Variants in TAF15 observed in about 807,000 individuals in gnomAD.
TAF15 encodes TATA-binding protein-associated factor 2N.
In TAF15, 37 loss-of-function variants were observed where a neutral mutation model predicts 102.5. The ratio of observed to expected loss-of-function variants is 0.36; its 90% CI spans 0.28 to 0.47. The LOEUF is 0.47. TAF15 is among the 20% of genes least tolerant of loss of function. The pLI is 0.99. For missense variants in TAF15, 652 were observed against 760.7 expected, an observed-to-expected ratio of 0.86 and a Z score of 1.68; for synonymous variants, 273 against 259.2, an observed-to-expected ratio of 1.05 and a Z score of -0.51.
At chr17:35,834,079 TTATATA>T (rs144140449) in intron 8 of TAF15, 138 bp downstream of exon 8, 6 of 563,560 alleles carry the variant, frequency 1.1e-5, no homozygotes, top group Non-Finnish European at 1.8e-5. Flanking sequence ...AAAAAAAATT[TTATATA>T]TATATATATA....
intron 2 of TAF15, among the ~76,000 whole-genome samples, chr17:35,819,151 T>C (rs966002861): frequency 6.6e-6 from 1 of 152,236 alleles, no homozygotes; most frequent in African/African-American, 2.4e-5. Flanking sequence ...GATTTGACTT[T>C]TTTGATCTTG....
chr17:35,811,890 G>T lies in TAF15; in HGVS notation c.7+2314G>T, dbSNP rs367812367. ...ATTAACTTGAAAATCTATCTACAAA[G>T]ATTTAAAAAAATGGAAAAACTAAGA... On this transcript the variant is annotated intron_variant, in intron 1 of 15. Coordinates refer to ENST00000605844, the MANE Select transcript of TAF15 (RefSeq NM_139215.3). Among the ~76,000 whole-genome samples, 10 of 152,248 alleles carry T rather than the reference G, an allele frequency of 6.6e-5. No homozygotes were observed. The East Asian group carries it at 9.6e-4, about 15-fold the overall frequency.
chr17:35,820,392 C>T lies in TAF15; in HGVS notation c.245C>T (p.Pro82Leu). ...NQKQSSYSQQ[P>L]YNNQGQQQNM... is the part of the protein sequence containing the mutation. ...AAGCAGAGCTCATATAGCCAGCAACCATATAATAACCAGGGACAGCAGCAA... is the reference window on the plus strand; with the variant it reads ...AAGCAGAGCTCATATAGCCAGCAACTATATAATAACCAGGGACAGCAGCAA... Residue 82 changes from proline (P) to leucine (L), a missense_variant, in exon 5 of 16, where the codon CCA becomes CTA. Physicochemically the swap from Pro to Leu is moderately conservative, Grantham distance 98. Coordinates refer to ENST00000605844, the MANE Select transcript of TAF15 (RefSeq NM_139215.3). The T allele has an allele frequency of 1.2e-6, 2 of 1,613,950 alleles. No homozygotes were observed. Among genetic ancestry groups the T allele is most frequent in the South Asian group, 2.2e-5 (2 of 91,074 alleles).
At chr17:35,830,155 AAAG>A (rs1323016547) in intron 7 of TAF15, 1 of 152,036 alleles carries the variant, frequency 6.6e-6, no homozygotes, top group Non-Finnish European at 1.5e-5. Flanking sequence ...AAAAAAAAAA[AAAG>A]TATGCAACTA....
intron 8 of TAF15, 33 bp downstream of exon 8, chr17:35,833,974 G>GA (rs763322941): frequency 6.2e-7 from 1 of 1,612,326 alleles, no homozygotes; most frequent in East Asian, 2.2e-5. Context: ...TGTTTCAGTG[G>GA]AAATGCTATA....
rs755148981 is a variant in TAF15 at position 35,847,022 on chromosome 17, G to A, written c.*77G>A. On this transcript the variant is annotated 3_prime_UTR_variant, in exon 16 of 16. Transcript: ENST00000605844. ...CAGAGTTTTGCCTGCTGCTTTCCTC[G>A]TGGCCTCTTCTTGGGTAGTGAAATT... 1.3e-5 allele frequency: 19 copies of A among 1,497,060 alleles called. No homozygotes were observed. The highest frequency in any genetic ancestry group is 2.3e-5 in the East Asian group (1 of 44,312). The allele number at this position is 1,497,060 out of a possible 1,614,324, so 92.7% of individuals were successfully genotyped here.
intron 6 of TAF15, 131 bp downstream of exon 6, chr17:35,822,964 T>A: frequency 9.0e-7 from 1 of 1,105,152 alleles, no homozygotes. Context: ...ATATGTTCCC[T>A]CTCATGGTAA....
intron 9 of TAF15, 104 bp from the exon 10 acceptor site, chr17:35,836,026 CAT>C: frequency 1.3e-6 from 1 of 782,042 alleles, no homozygotes; most frequent in Non-Finnish European, 2.2e-6. Flanking sequence ...TCCTTTTGGT[CAT>C]AGAAACAATT....
At chr17:35,810,021 C>T (rs2087106636) in intron 1 of TAF15, 1 of 301,038 alleles carries the variant, frequency 3.3e-6, no homozygotes, top group Non-Finnish European at 6.4e-6. Context: ...GTTTTCCCAT[C>T]CTCGAAGTGG....
chr17:35,837,148 G>A (rs564536816), intron 10 of TAF15, among the ~76,000 whole-genome samples: 1 of 151,940 alleles, frequency 6.6e-6, no homozygotes, highest in South Asian at 2.1e-4. Context: ...ATGTAATTTT[G>A]TTGTTGTCGT....
chr17:35,827,476 G>C (rs996640129), intron 7 of TAF15, among the ~76,000 whole-genome samples: 1 of 152,124 alleles, frequency 6.6e-6, no homozygotes, highest in Non-Finnish European at 1.5e-5. Context: ...AGGGCACAGC[G>C]GGTGGATCAC....
Position 35,834,893 on chromosome 17 carries a change from G to A in TAF15, c.673+295G>A, listed in dbSNP as rs534461641. On this transcript the variant is annotated intron_variant, in intron 9 of 15. Transcript: ENST00000605844. ...CCCAAGTAGGTGGGACTACAGGTGCGCGCCACCATGCCCTGCTAATTTTTG... is the reference window on the plus strand; with the variant it reads ...CCCAAGTAGGTGGGACTACAGGTGCACGCCACCATGCCCTGCTAATTTTTG... Among the ~76,000 whole-genome samples the A allele has an allele frequency of 1.8e-4, 27 of 151,876 alleles. No individual in the cohort carries two copies. The South Asian group carries it at 5.0e-3, about 28-fold the overall frequency.
At chr17:35,819,896 G>T in intron 2 of TAF15, 128 bp from the exon 3 acceptor site, 1 of 813,038 alleles carries the variant, frequency 1.2e-6, no homozygotes, top group Non-Finnish European at 2.1e-6. Flanking sequence ...TCTAGAGACA[G>T]GGAGATTGAT....
At chr17:35,834,076 A>T (rs555404761) in intron 8 of TAF15, 135 bp downstream of exon 8, 16 of 602,822 alleles carry the variant, frequency 2.7e-5, no homozygotes, top group Middle Eastern at 4.9e-4. Context: ...TTTAAAAAAA[A>T]TTTTATATAT....
At chr17:35,824,344 T>C (rs973225457) in intron 7 of TAF15, 146 bp downstream of exon 7, 64 of 1,104,234 alleles carry the variant, frequency 5.8e-5, no homozygotes, top group Non-Finnish European at 7.9e-5. Context: ...AAGGCAGAAA[T>C]TAAAAGTGTA....
intron 2 of TAF15, 33 bp from the exon 3 acceptor site, chr17:35,819,991 A>G (rs2087240073): frequency 6.2e-7 from 1 of 1,603,420 alleles, no homozygotes. Flanking sequence ...ATTTCTACAC[A>G]TTTCTTTCAA....
intron 11 of TAF15, among the ~76,000 whole-genome samples, chr17:35,839,355 C>T: frequency 7.7e-6 from 1 of 129,138 alleles, no homozygotes; most frequent in Admixed American, 8.3e-5. Context: ...TTAATACATA[C>T]TTAGAAGAAA....
In TAF15 at chr17:35,820,374, G is replaced by T. The variant is rs929675313; in HGVS notation, c.227G>T (p.Ser76Ile). Residue 76 changes from serine to isoleucine, a missense_variant, in exon 5 of 16, where the codon AGC (serine) becomes ATC (isoleucine). Around this residue, in one of 3 missense-constraint regions of TAF15, gnomAD observed 243 missense variants for 284.1 expected, o/e 0.86. Coordinates refer to ENST00000605844, the MANE Select transcript of TAF15 (RefSeq NM_139215.3). Reference protein sequence around the residue: ...SYGGYENQKQSSYSQQPYNNQ... With the variant: ...SYGGYENQKQISYSQQPYNNQ... ...GGTGGTTATGAGAATCAAAAGCAGA[G>T]CTCATATAGCCAGCAACCATATAAT... The T allele has an allele frequency of 5.6e-6, 9 of 1,613,978 alleles. No individual in the cohort carries two copies. In the East Asian group the frequency reaches 2.0e-4, roughly 36 times the overall value.
Position 35,844,923 on chromosome 17 carries a change from G to A in TAF15, c.1624G>A (p.Gly542Ser), listed in dbSNP as rs114353269. 1,545 of 1,613,090 alleles carry A rather than the reference G, an allele frequency of 9.6e-4. 16 individuals are homozygous for A. The African/African-American group carries it at 0.018, about 19-fold the overall frequency. Residue 542 changes from glycine to serine, a missense_variant, in exon 15 of 16, where the codon GGT (glycine) becomes AGT (serine). This residue lies in a region of TAF15 where 368 missense variants were observed against 367.5 expected (regional missense o/e 1.00). Transcript: ENST00000605844. ...GGDRGGGSGY[G>S]GDRSGGYGGD... is the part of the protein sequence containing the mutation. ...AGACCGTGGTGGTGGCAGTGGCTAC[G>A]GTGGAGACCGAAGTGGAGGCTATGG...
Sources: allele counts gnomAD v4.1 joint callset (sites outside exome capture counted in the v4.1 genomes callset), GRCh38; gene constraint gnomAD v4.1.1; regional missense constraint gnomAD v4.1.1; transcripts MANE v1.5; gene names NCBI Gene and HGNC (gene_info 2026-07-23, HGNC 2026-07-21).